The following NELL1 variants were observed in gnomAD, a reference collection of about 807,000 sequenced individuals.
NELL1 encodes protein kinase C-binding protein NELL1.
A neutral mutation model predicts 107.4 loss-of-function variants in NELL1; 76 were observed. That is an observed-to-expected ratio of 0.71 (90% CI 0.59 to 0.86). NELL1 has a LOEUF of 0.86. Ranked by LOEUF, NELL1 falls within the 40% of genes least tolerant of loss-of-function variation. The pLI, the probability that NELL1 is intolerant of heterozygous loss-of-function variation, is 0.00. For synonymous variants in NELL1, 353 were observed against 341.2 expected (o/e 1.03, Z -0.38); for missense variants, 1,024 against 1,005.5 (o/e 1.02, Z -0.25).
rs754102503 is a variant in NELL1, at chr11:21,298,759, A to G, written c.1549+69305A>G. ...ATCAGGAAATGGTCAAAATATTTGC[A>G]TGCCCCTCAGGTTCAAGTAAATAAA... On this transcript the variant is annotated intron_variant, in intron 14 of 19. Transcript: ENST00000357134. Among the ~76,000 whole-genome samples the G allele has an allele frequency of 2.0e-5, 3 of 152,000 alleles. No individual in the cohort carries two copies. In the East Asian group the frequency reaches 5.8e-4, roughly 29 times the overall value.
intron 14 of NELL1, among the ~76,000 whole-genome samples, chr11:21,279,923 GA>G (rs1436216846): frequency 6.6e-6 from 1 of 152,158 alleles, no homozygotes; most frequent in Non-Finnish European, 1.5e-5. Flanking sequence ...AGAAACGGAG[GA>G]AACGTAAATG....
chr11:21,387,872 A>G (rs1851783266), intron 15 of NELL1, among the ~76,000 whole-genome samples: 1 of 151,754 alleles, frequency 6.6e-6, no homozygotes, highest in Admixed American at 6.6e-5. Context: ...GCAGATCTTT[A>G]AAGTGTCTAG....
chr11:20,995,501 C>T (rs997681374), intron 12 of NELL1, among the ~76,000 whole-genome samples: 11 of 152,046 alleles, frequency 7.2e-5, no homozygotes, highest in African/African-American at 2.7e-4. Flanking sequence ...TTGCTTGACC[C>T]CAGGAAGCGG....
intron 17 of NELL1, among the ~76,000 whole-genome samples, chr11:21,560,707 T>G (rs1856828853): frequency 6.6e-6 from 1 of 152,086 alleles, no homozygotes; most frequent in Admixed American, 6.6e-5. Flanking sequence ...TAATGAGCCC[T>G]CATCCCACGC....
intron 4 of NELL1, among the ~76,000 whole-genome samples, chr11:20,877,259 C>T (rs1168700154): frequency 6.6e-6 from 1 of 152,236 alleles, no homozygotes; most frequent in East Asian, 1.9e-4. Context: ...GAGAGCTTCT[C>T]TTCAATTCTT....
intron 12 of NELL1, among the ~76,000 whole-genome samples, chr11:20,975,580 A>G (rs143388077): frequency 9.0e-5 from 13 of 144,732 alleles, no homozygotes; most frequent in Non-Finnish European, 1.5e-4. Context: ...TGTATTATAT[A>G]CACATATGTA....
chr11:20,730,653 T>C (rs1462986369), intron 2 of NELL1, among the ~76,000 whole-genome samples: 1 of 152,110 alleles, frequency 6.6e-6, no homozygotes, highest in African/African-American at 2.4e-5. Flanking sequence ...TACCCACGAA[T>C]GGTGTGTGAC....
At chr11:21,391,713 TGGCTCACTGCAGCCG>T (rs1851882803) in intron 15 of NELL1, among the ~76,000 whole-genome samples, 1 of 151,748 alleles carries the variant, frequency 6.6e-6, no homozygotes, top group Non-Finnish European at 1.5e-5. Flanking sequence ...AATGCAGTAA[TGGCTCACTGCAGCCG>T]GGCTCACGTG....
intron 15 of NELL1, among the ~76,000 whole-genome samples, chr11:21,383,634 TTC>T (rs1851663290): frequency 6.7e-6 from 1 of 149,804 alleles, no homozygotes; most frequent in African/African-American, 2.5e-5. Flanking sequence ...GGAATACTCT[TTC>T]TGACTATTAC....
At chr11:21,505,133 G>A (rs1186677729) in intron 15 of NELL1, among the ~76,000 whole-genome samples, 1 of 152,104 alleles carries the variant, frequency 6.6e-6, no homozygotes, top group African/African-American at 2.4e-5. Context: ...AAGCCATGCT[G>A]CTACCACAAT....
At chr11:20,783,526 A>C (rs7105131) in intron 2 of NELL1, 154 bp from the exon 3 acceptor site, 1 of 556,530 alleles carries the variant, frequency 1.8e-6, no homozygotes, top group Non-Finnish European at 3.1e-6. Flanking sequence ...GAAACTTGCA[A>C]TCTGGATTCT....
At chr11:20,683,272 T>C (rs1340365077) in intron 2 of NELL1, among the ~76,000 whole-genome samples, 2 of 152,158 alleles carry the variant, frequency 1.3e-5, no homozygotes, top group African/African-American at 4.8e-5. Flanking sequence ...ATTTAGATAA[T>C]AAAATCAATT....
chr11:20,732,368 A>G (rs1855666688), intron 2 of NELL1, among the ~76,000 whole-genome samples: 1 of 152,088 alleles, frequency 6.6e-6, no homozygotes, highest in Non-Finnish European at 1.5e-5. Flanking sequence ...TGCCTCTTTT[A>G]CTGCATGGAT....
At chr11:20,865,905 C>T (rs1396071142) in intron 4 of NELL1, among the ~76,000 whole-genome samples, 3 of 152,136 alleles carry the variant, frequency 2.0e-5, no homozygotes, top group Admixed American at 2.0e-4. Context: ...TGTTACACAT[C>T]CTAAGTCAGA....
chr11:20,697,849 T>C (rs1854665494), intron 2 of NELL1, among the ~76,000 whole-genome samples: 2 of 152,178 alleles, frequency 1.3e-5, no homozygotes, highest in South Asian at 4.1e-4. Flanking sequence ...TTCTTTTTCA[T>C]AGGAACACTG....
At chr11:20,995,307 C>T (rs916175192) in intron 12 of NELL1, among the ~76,000 whole-genome samples, 4 of 152,028 alleles carry the variant, frequency 2.6e-5, no homozygotes, top group South Asian at 2.1e-4. Context: ...TCTGGCTGGG[C>T]GCGGTGGCTC....
intron 13 of NELL1, among the ~76,000 whole-genome samples, chr11:21,220,838 T>C (rs1164358394): frequency 1.3e-5 from 2 of 152,226 alleles, no homozygotes; most frequent in Non-Finnish European, 2.9e-5. Flanking sequence ...ACTTCCTTTT[T>C]TCCTATGTGG....
chr11:21,019,451 G>C (rs955207756), intron 12 of NELL1, among the ~76,000 whole-genome samples: 1 of 152,076 alleles, frequency 6.6e-6, no homozygotes, highest in Non-Finnish European at 1.5e-5. Flanking sequence ...GAAAAGAGTA[G>C]AGTCATTCTG....
chr11:20,701,520 C>G (rs1193332970), intron 2 of NELL1, among the ~76,000 whole-genome samples: 1 of 151,934 alleles, frequency 6.6e-6, no homozygotes, highest in Non-Finnish European at 1.5e-5. Context: ...TAATTAGATC[C>G]CATTTGTCAA....
Sources: gnomAD v4.1 joint callset for allele counts (sites outside exome capture counted in the v4.1 genomes callset) on GRCh38, gnomAD v4.1.1 for gene constraint, MANE v1.5 for transcripts, NCBI Gene and HGNC (gene_info 2026-07-23, HGNC 2026-07-21) for gene names.